The following INSC variants were observed in gnomAD, a reference collection of about 807,000 sequenced individuals.
INSC encodes INSC spindle orientation adaptor protein, also known as protein inscuteable homolog.
A neutral mutation model predicts 58.6 loss-of-function variants in INSC; 67 were observed. The observed-to-expected ratio is 1.14, with a 90% CI of 0.94 to 1.40. The LOEUF is 1.40. Among genes scored for constraint, INSC ranks in the 40% most tolerant of loss-of-function variants. The probability of loss-of-function intolerance (pLI) is 0.00; values close to 1 mark genes in which losing one functional copy is unlikely to be tolerated. For synonymous variants in INSC, 262 were observed against 276.1 expected (o/e 0.95, Z 0.51); for missense variants, 714 against 692.0 (o/e 1.03, Z -0.36).
At chr11:15,122,290 T>A (rs1213654146) in intron 1 of INSC, among the ~76,000 whole-genome samples, 1 of 152,158 alleles carries the variant, frequency 6.6e-6, no homozygotes, top group Non-Finnish European at 1.5e-5. Context: ...ACAGACAGCA[T>A]GAGGTGGGTG....
chr11:15,150,460 A>G (rs1169740302), intron 2 of INSC, among the ~76,000 whole-genome samples: 1 of 152,222 alleles, frequency 6.6e-6, no homozygotes, highest in African/African-American at 2.4e-5. Flanking sequence ...CTGAAACTGA[A>G]TTTCATTTTG....
At chr11:15,204,111 G>A (rs1008422067) in intron 7 of INSC, among the ~76,000 whole-genome samples, 1 of 152,220 alleles carries the variant, frequency 6.6e-6, no homozygotes, top group Non-Finnish European at 1.5e-5. Flanking sequence ...TCATGACCAC[G>A]GTGAGAGGAA....
At chr11:15,233,143 T>C (rs905649107) in intron 9 of INSC, among the ~76,000 whole-genome samples, 1 of 152,222 alleles carries the variant, frequency 6.6e-6, no homozygotes, top group Admixed American at 6.5e-5. Context: ...GCTATCACAT[T>C]ATACTGACCT....
intron 7 of INSC, among the ~76,000 whole-genome samples, chr11:15,210,819 G>T (rs1183989358): frequency 6.6e-6 from 1 of 151,980 alleles, no homozygotes; most frequent in Non-Finnish European, 1.5e-5. Context: ...AGGTTGCTTG[G>T]GCTGGTGGGG....
chr11:15,207,559 T>C (rs75730441), intron 7 of INSC, among the ~76,000 whole-genome samples: 2 of 152,148 alleles, frequency 1.3e-5, no homozygotes, highest in Non-Finnish European at 2.9e-5. Flanking sequence ...GCTGAGGTGC[T>C]GGGCTGGAAG....
intron 2 of INSC, among the ~76,000 whole-genome samples, chr11:15,166,895 G>T (rs1285064183): frequency 6.6e-6 from 1 of 152,172 alleles, no homozygotes; most frequent in Non-Finnish European, 1.5e-5. Flanking sequence ...AAGTCATGTG[G>T]CCTTTCTACA....
At chr11:15,207,231 C>T (rs1850838363) in intron 7 of INSC, among the ~76,000 whole-genome samples, 1 of 152,204 alleles carries the variant, frequency 6.6e-6, no homozygotes, top group South Asian at 2.1e-4. Context: ...CAGTTCTGGT[C>T]ATTGTCTTTT....
At chr11:15,130,193 C>A (rs990994116) in intron 1 of INSC, among the ~76,000 whole-genome samples, 1 of 152,210 alleles carries the variant, frequency 6.6e-6, no homozygotes, top group Non-Finnish European at 1.5e-5. Context: ...TTTCATTCAA[C>A]ATGTCATCAA....
chr11:15,113,731 C>T (rs1847627884), upstream of INSC, among the ~76,000 whole-genome samples: 2 of 152,058 alleles, frequency 1.3e-5, no homozygotes, highest in Non-Finnish European at 2.9e-5. Context: ...GAGCCCTGGG[C>T]CCCCAGAGAG....
chr11:15,165,696 G>A lies in INSC; in HGVS notation c.57-10045G>A, dbSNP rs116029282. Among the ~76,000 whole-genome samples the A allele has an allele frequency of 8.2e-3, 1,243 of 152,304 alleles. 17 individuals are homozygous for A. The highest frequency in any genetic ancestry group is 0.029 in the African/African-American group (1,195 of 41,560). ...GAAGAAGTGATGAATGTAACAGTCTGAGATGTCCTGTGGAGTCCAGAGAGC... is the reference window on the plus strand; with the variant it reads ...GAAGAAGTGATGAATGTAACAGTCTAAGATGTCCTGTGGAGTCCAGAGAGC... On this transcript the variant is annotated intron_variant, in intron 2 of 12. Coordinates refer to ENST00000379556, the MANE Select transcript of INSC (RefSeq NM_001042536.3).
intron 2 of INSC, among the ~76,000 whole-genome samples, chr11:15,174,930 T>C (rs1849522497): frequency 6.6e-6 from 1 of 152,238 alleles, no homozygotes; most frequent in Non-Finnish European, 1.5e-5. Flanking sequence ...ATCAATGATC[T>C]GATATTACTG....
chr11:15,247,147 A>C lies in INSC; in HGVS notation c.*1107A>C. Reference sequence around the variant, plus strand: ...TATTGTGATATAATTTATACAATATAATATAATTGTGTAAAATCATGATTA... The same window carrying C: ...TATTGTGATATAATTTATACAATATCATATAATTGTGTAAAATCATGATTA... On this transcript the variant is annotated 3_prime_UTR_variant, in exon 13 of 13. Coordinates refer to ENST00000379556, the MANE Select transcript of INSC (RefSeq NM_001042536.3). 1 of 152,098 alleles carries C rather than the reference A, an allele frequency of 6.6e-6. No individual in the cohort carries two copies. Among genetic ancestry groups the C allele is most frequent in the East Asian group, 1.9e-4 (1 of 5,196 alleles). The allele number at this position is 152,098 out of a possible 1,614,324, so 9.4% of individuals were successfully genotyped here.
intron 5 of INSC, among the ~76,000 whole-genome samples, chr11:15,188,575 T>C (rs915287660): frequency 1.3e-5 from 2 of 152,254 alleles, no homozygotes; most frequent in African/African-American, 4.8e-5. Context: ...TGATCTCATA[T>C]CTTTCCAGAT....
At chr11:15,198,425 A>C (rs963780476) in intron 6 of INSC, among the ~76,000 whole-genome samples, 2 of 152,138 alleles carry the variant, frequency 1.3e-5, no homozygotes, top group Non-Finnish European at 2.9e-5. Flanking sequence ...GTGCAAATGC[A>C]TGCAGAGGCT....
downstream of INSC, among the ~76,000 whole-genome samples, chr11:15,247,689 G>C (rs1468690143): frequency 6.9e-6 from 1 of 144,120 alleles, no homozygotes; most frequent in Non-Finnish European, 1.5e-5. Context: ...TTCAAACCAA[G>C]GTCTTCTGAG....
intron 7 of INSC, among the ~76,000 whole-genome samples, chr11:15,201,681 AG>A (rs1850599051): frequency 6.6e-6 from 1 of 152,212 alleles, no homozygotes; most frequent in African/African-American, 2.4e-5. Context: ...CTGGGGAGGC[AG>A]GGGCTGAAAT....
At chr11:15,156,766 G>A (rs1031786177) in intron 2 of INSC, among the ~76,000 whole-genome samples, 39 of 152,194 alleles carry the variant, frequency 2.6e-4, no homozygotes, top group African/African-American at 8.2e-4. Flanking sequence ...CATCGAAGAT[G>A]CACTATAGGT....
intron 1 of INSC, among the ~76,000 whole-genome samples, chr11:15,120,030 T>A (rs966985325): frequency 1.3e-5 from 2 of 152,252 alleles, no homozygotes; most frequent in African/African-American, 4.8e-5. Flanking sequence ...CAGCTCTGAC[T>A]CATCCTTGGG....
chr11:15,263,135 T>A, the INSC span, among the ~76,000 whole-genome samples: 1 of 152,144 alleles, frequency 6.6e-6, no homozygotes, highest in Non-Finnish European at 1.5e-5. Flanking sequence ...AACAGTGAAC[T>A]GATGAACTGG....
Sources: allele counts gnomAD v4.1 joint callset (sites outside exome capture counted in the v4.1 genomes callset), GRCh38; gene constraint gnomAD v4.1.1; transcripts MANE v1.5; gene names NCBI Gene and HGNC (gene_info 2026-07-23, HGNC 2026-07-21).